The following CSMD1 variants were observed in gnomAD, a reference collection of about 807,000 sequenced individuals.
CSMD1 encodes CUB and Sushi multiple domains 1.
Under a neutral mutation model 417.5 loss-of-function variants are expected in CSMD1, and 213 were observed. The ratio of observed to expected loss-of-function variants is 0.51; its 90% CI spans 0.46 to 0.57. The LOEUF is 0.57. Among genes scored for constraint, CSMD1 ranks in the 20% least tolerant of loss-of-function variants. CSMD1 has a pLI of 0.00. For missense variants in CSMD1, 6,923 were observed against 4,529.7 expected, an observed-to-expected ratio of 1.53 and a Z score of -15.17; for synonymous variants, 2,862 against 1,736.8, an observed-to-expected ratio of 1.65 and a Z score of -16.11.
chr8:4,215,643 G>C (rs561548594), intron 3 of CSMD1, among the ~76,000 whole-genome samples: 2 of 151,924 alleles, frequency 1.3e-5, no homozygotes, highest in East Asian at 3.9e-4. Flanking sequence ...GATCATACAA[G>C]AATTGAAAAT....
intron 2 of CSMD1, among the ~76,000 whole-genome samples, chr8:4,626,993 G>C (rs927176116): frequency 6.6e-6 from 1 of 152,126 alleles, no homozygotes; most frequent in Non-Finnish European, 1.5e-5. Context: ...TTGTGGTAAA[G>C]CAAGTAATTG....
chr8:4,034,083 G>A lies in CSMD1; in HGVS notation c.416-1984C>T, dbSNP rs573315105. ...ATCCATTGTCTTTGCATCGGCATGG[G>A]GGTGTATTTTAATGTATTGATATAA... On this transcript the variant is annotated intron_variant, in intron 3 of 69. Coordinates refer to ENST00000635120, the MANE Select transcript of CSMD1 (RefSeq NM_033225.6). Among the ~76,000 whole-genome samples the A allele has an allele frequency of 2.9e-4, 44 of 152,200 alleles. No homozygotes were observed. The South Asian group carries it at 9.1e-3, about 32-fold the overall frequency.
chr8:3,030,546 G>C (rs1231249748), intron 50 of CSMD1, among the ~76,000 whole-genome samples: 1 of 151,918 alleles, frequency 6.6e-6, no homozygotes, highest in Non-Finnish European at 1.5e-5. Flanking sequence ...GCATGATCAC[G>C]GCTCACTGCA....
intron 3 of CSMD1, among the ~76,000 whole-genome samples, chr8:4,056,438 TA>T (rs1798695393): frequency 6.6e-6 from 1 of 151,928 alleles, no homozygotes; most frequent in African/African-American, 2.4e-5. Flanking sequence ...AAACTAACAT[TA>T]AAATTTATTT....
rs118145119 is a variant in CSMD1 at position 3,655,824 on chromosome 8, G to A, written c.1010-39027C>T. ...AAAGAAAGTCTTCCAATATTTTCAG[G>A]ACTGATGCAAAGACTAGTTGACGGA... On this transcript the variant is annotated intron_variant, in intron 7 of 69. Transcript: ENST00000635120. Among the ~76,000 whole-genome samples the A allele has an allele frequency of 2.8e-3, 433 of 152,250 alleles. 1 individual carries two copies. The highest frequency in any genetic ancestry group is 4.8e-3 in the Non-Finnish European group (326 of 68,026).
rs1414755336 is a variant in CSMD1, at chr8:4,412,916, TAAAAG to T, written c.415+7032_415+7036del. ...CATAAGATAACTGACAACAATCAGA[TAAAAG>T]AAAAGTTGACGCCTCAGGTTAACAG... On this transcript the variant is annotated intron_variant, in intron 3 of 69. Transcript: ENST00000635120. Among the ~76,000 whole-genome samples the T allele has an allele frequency of 3.9e-5, 6 of 152,032 alleles. No individual in the cohort carries two copies. In the East Asian group the frequency reaches 9.6e-4, roughly 24 times the overall value.
At chr8:4,832,836 T>C (rs778462891) in intron 1 of CSMD1, among the ~76,000 whole-genome samples, 2 of 152,008 alleles carry the variant, frequency 1.3e-5, no homozygotes, top group African/African-American at 2.4e-5. Context: ...TACCCTGTGA[T>C]AAAAGCAGGT....
chr8:3,401,922 G>A (rs1170183168), intron 15 of CSMD1, among the ~76,000 whole-genome samples: 2 of 150,100 alleles, frequency 1.3e-5, no homozygotes, highest in African/African-American at 2.4e-5. Flanking sequence ...ATACCAATGA[G>A]CCAATGAGGT....
chr8:3,994,668 G>T, intron 5 of CSMD1, among the ~76,000 whole-genome samples: 1 of 151,960 alleles, frequency 6.6e-6, no homozygotes, highest in East Asian at 1.9e-4. Flanking sequence ...AGCCTATGAG[G>T]CTTAAATTAC....
At chr8:4,515,404 G>C (rs1267899033) in intron 2 of CSMD1, among the ~76,000 whole-genome samples, 1 of 152,170 alleles carries the variant, frequency 6.6e-6, no homozygotes, top group East Asian at 1.9e-4. Context: ...CCATGAAGAG[G>C]CGTCTTTGTC....
chr8:4,304,560 G>C (rs139223713), intron 3 of CSMD1, among the ~76,000 whole-genome samples: 201 of 152,120 alleles, frequency 1.3e-3, no homozygotes, highest in African/African-American at 4.7e-3. Context: ...TAATCAATTG[G>C]GATGTGTTTA....
intron 5 of CSMD1, among the ~76,000 whole-genome samples, chr8:3,927,017 T>G (rs190643294): frequency 6.6e-6 from 1 of 151,990 alleles, no homozygotes; most frequent in East Asian, 1.9e-4. Context: ...CCCGGCCAAA[T>G]TGGCATCTTT....
chr8:4,455,647 G>T (rs372815746), intron 2 of CSMD1, among the ~76,000 whole-genome samples: 12 of 151,698 alleles, frequency 7.9e-5, no homozygotes, highest in African/African-American at 2.4e-4. Context: ...AAACGCAATT[G>T]AGGCCAGATA....
intron 3 of CSMD1, among the ~76,000 whole-genome samples, chr8:4,271,534 C>T (rs912283227): frequency 3.3e-5 from 5 of 149,650 alleles, no homozygotes; most frequent in East Asian, 2.0e-4. Flanking sequence ...ACACCACCAA[C>T]AAAATACCAC....
intron 1 of CSMD1, among the ~76,000 whole-genome samples, chr8:4,885,628 T>G (rs952515757): frequency 3.3e-5 from 5 of 151,958 alleles, no homozygotes; most frequent in Admixed American, 1.3e-4. Flanking sequence ...GTATATCACA[T>G]TAATAGATTT....
intron 10 of CSMD1, among the ~76,000 whole-genome samples, chr8:3,502,096 G>C (rs150790954): frequency 1.3e-5 from 2 of 152,092 alleles, no homozygotes; most frequent in Admixed American, 6.5e-5. Context: ...AGCTAAAAAC[G>C]TATGTCCACA....
chr8:2,956,747 T>A (rs939948903), intron 63 of CSMD1, among the ~76,000 whole-genome samples: 1 of 152,198 alleles, frequency 6.6e-6, no homozygotes, highest in Non-Finnish European at 1.5e-5. Context: ...TGAGCCAGCA[T>A]GCCCAGCCAA....
At chr8:4,791,543 A>G (rs1449523396) in intron 1 of CSMD1, among the ~76,000 whole-genome samples, 1 of 152,206 alleles carries the variant, frequency 6.6e-6, no homozygotes, top group Non-Finnish European at 1.5e-5. Flanking sequence ...GCCACTGGAA[A>G]AATGTTTTGT....
At chr8:4,623,653 A>T (rs758286696) in intron 2 of CSMD1, among the ~76,000 whole-genome samples, 2 of 152,192 alleles carry the variant, frequency 1.3e-5, no homozygotes, top group Non-Finnish European at 2.9e-5. Flanking sequence ...ACCATAAAAA[A>T]TGTACCATTT....
Sources: gnomAD v4.1 joint callset for allele counts (sites outside exome capture counted in the v4.1 genomes callset) on GRCh38, gnomAD v4.1.1 for gene constraint, MANE v1.5 for transcripts, NCBI Gene and HGNC (gene_info 2026-07-23, HGNC 2026-07-21) for gene names.